IL1R2: variants seen among roughly 807,000 people sequenced by gnomAD.
IL1R2 encodes the protein interleukin 1 receptor type 2, also known as interleukin-1 receptor type 2.
A neutral mutation model predicts 39.5 loss-of-function variants in IL1R2; 46 were observed. The ratio of observed to expected loss-of-function variants is 1.16; its 90% CI spans 0.92 to 1.49. The LOEUF (loss-of-function observed/expected upper bound fraction) is 1.49. Among genes scored for constraint, IL1R2 ranks in the 40% most tolerant of loss-of-function variants. IL1R2 has a pLI of 0.00. For missense variants in IL1R2, 537 were observed against 502.0 expected (o/e 1.07, Z -0.67); for synonymous variants, 207 against 189.6 (o/e 1.09, Z -0.75).
At chr2:102,012,396 C>T (rs1395019366) in intron 3 of IL1R2, among the ~76,000 whole-genome samples, 1 of 152,090 alleles carries the variant, frequency 6.6e-6, no homozygotes, top group South Asian at 2.1e-4. Flanking sequence ...AGAAAAAGAA[C>T]CGGAGAAGTG....
In IL1R2 at chr2:102,008,616, T is replaced by C. The variant is rs1330575844; in HGVS notation, c.41T>C (p.Phe14Ser). Residue 14 changes from phenylalanine to serine, a missense_variant, in exon 2 of 9, where the codon TTC becomes TCC. Phe to Ser is a radical substitution (Grantham distance 155). Transcript: ENST00000332549. ...GTGTTGGTAATGGGAGTTTCTGCCT[T>C]CACCCTTCAGCCTGCGGCACACACA... is the stretch of plus-strand genomic sequence containing the variant. The part of the protein sequence containing the change: ...LYVLVMGVSA[F>S]TLQPAAHTGA... 3.1e-6 allele frequency: 5 copies of C among 1,614,144 alleles called. No individual in the cohort carries two copies. In the East Asian group the frequency reaches 6.7e-5, roughly 22 times the overall value.
At chr2:102,014,356 A>G (rs1676857086) in intron 3 of IL1R2, among the ~76,000 whole-genome samples, 1 of 152,230 alleles carries the variant, frequency 6.6e-6, no homozygotes, top group African/African-American at 2.4e-5. Context: ...TACACAGCAC[A>G]GGGTCTGGCC....
chr2:101,996,505 T>TTTCTG (rs55723899), intron 1 of IL1R2, among the ~76,000 whole-genome samples: 1 of 137,248 alleles, frequency 7.3e-6, no homozygotes, highest in African/African-American at 2.9e-5. Context: ...TTTTTTTTTT[T>TTTCTG]GGGGGGGAGA....
intron 1 of IL1R2, among the ~76,000 whole-genome samples, chr2:102,000,348 G>A (rs1675792857): frequency 6.6e-6 from 1 of 152,190 alleles, no homozygotes; most frequent in South Asian, 2.1e-4. Flanking sequence ...CCACCACCCT[G>A]CTGCTGGCAG....
intron 4 of IL1R2, among the ~76,000 whole-genome samples, chr2:102,017,967 G>T (rs1256121849): frequency 1.3e-5 from 2 of 152,182 alleles, no homozygotes; most frequent in Non-Finnish European, 2.9e-5. Flanking sequence ...TAAGTAGTTG[G>T]CTGGTTTGTA....
rs1677871043 is a variant in IL1R2, at chr2:102,028,488, T to C, written c.*96T>C. The C allele has an allele frequency of 1.8e-6, 2 of 1,099,314 alleles. No individual in the cohort carries two copies. The highest frequency in any genetic ancestry group is 1.3e-6 in the Non-Finnish European group (1 of 788,646). The allele number at this position is 1,099,314 out of a possible 1,614,324, so 68.1% of individuals were successfully genotyped here. ...TGAGGGACTCTGTTCTTTGCCTCAG[T>C]TGTCTACCAAAGGTGCCACATTTAT... On this transcript the variant is annotated 3_prime_UTR_variant, in exon 9 of 9. Transcript: ENST00000332549.
At chr2:101,997,623 C>CA (rs1250568456) in intron 1 of IL1R2, among the ~76,000 whole-genome samples, 1 of 152,204 alleles carries the variant, frequency 6.6e-6, no homozygotes, top group Non-Finnish European at 1.5e-5. Context: ...GCCCAGATCT[C>CA]AGTTTACCTT....
intron 3 of IL1R2, among the ~76,000 whole-genome samples, chr2:102,015,622 C>T (rs561010888): frequency 2.0e-5 from 3 of 152,182 alleles, no homozygotes; most frequent in Non-Finnish European, 2.9e-5. Context: ...TGTAATAAAG[C>T]GTTGAATATC....
intron 3 of IL1R2, among the ~76,000 whole-genome samples, chr2:102,012,519 T>C (rs1676704952): frequency 6.6e-6 from 1 of 151,380 alleles, no homozygotes; most frequent in Non-Finnish European, 1.5e-5. Context: ...GGAGGAGATA[T>C]GAGGTAGAGG....
chr2:102,021,134 C>T (rs1210601896), intron 5 of IL1R2, among the ~76,000 whole-genome samples: 1 of 152,120 alleles, frequency 6.6e-6, no homozygotes, highest in Non-Finnish European at 1.5e-5. Flanking sequence ...CCGTCTGCCC[C>T]TCAGGCTGTC....
At chr2:101,996,617 G>A (rs1675604925) in intron 1 of IL1R2, among the ~76,000 whole-genome samples, 1 of 150,930 alleles carries the variant, frequency 6.6e-6, no homozygotes, top group Non-Finnish European at 1.5e-5. Context: ...TTTCCAGAGA[G>A]TGGAAGATGA....
chr2:101,992,458 GAGAC>G (rs977036073), intron 1 of IL1R2, among the ~76,000 whole-genome samples: 2 of 151,036 alleles, frequency 1.3e-5, no homozygotes, highest in South Asian at 2.1e-4. Flanking sequence ...TAGAGAGACG[GAGAC>G]AGACAGAGAG....
At chr2:101,994,810 G>C (rs1030738038) in intron 1 of IL1R2, among the ~76,000 whole-genome samples, 1 of 152,210 alleles carries the variant, frequency 6.6e-6, no homozygotes, top group African/African-American at 2.4e-5. Context: ...TGTTTGTGCT[G>C]CCGGTCCATG....
intron 1 of IL1R2, among the ~76,000 whole-genome samples, chr2:101,993,934 C>T (rs1221705497): frequency 6.6e-6 from 1 of 152,208 alleles, no homozygotes. Context: ...CCCCTTTCTG[C>T]ACTCCATCCC....
At chr2:101,997,680 A>G (rs975988857) in intron 1 of IL1R2, among the ~76,000 whole-genome samples, 1 of 152,154 alleles carries the variant, frequency 6.6e-6, no homozygotes, top group Non-Finnish European at 1.5e-5. Flanking sequence ...CTCTCCCATC[A>G]GTGAAGCACC....
chr2:102,001,045 G>A (rs1478683119), intron 1 of IL1R2, among the ~76,000 whole-genome samples: 1 of 152,150 alleles, frequency 6.6e-6, no homozygotes, highest in Non-Finnish European at 1.5e-5. Context: ...GGTCTTGCTG[G>A]GTGTCAGTCA....
chr2:102,007,347 A>C (rs1676331606), intron 1 of IL1R2, among the ~76,000 whole-genome samples: 1 of 152,174 alleles, frequency 6.6e-6, no homozygotes, highest in South Asian at 2.1e-4. Flanking sequence ...CAGGACACCA[A>C]ATCTCTTGGC....
chr2:101,995,627 G>A (rs547855607), intron 1 of IL1R2, among the ~76,000 whole-genome samples: 2 of 152,200 alleles, frequency 1.3e-5, no homozygotes, highest in Non-Finnish European at 2.9e-5. Context: ...ATGAATACAA[G>A]GTCCTGATAC....
chr2:102,019,792 G>A lies in IL1R2; in HGVS notation c.668G>A (p.Ser223Asn). 1.2e-6 allele frequency: 2 copies of A among 1,614,064 alleles called. No homozygotes were observed. Among genetic ancestry groups the A allele is most frequent in the Non-Finnish European group, 1.7e-6 (2 of 1,179,984 alleles). ...GGCCAGCAATACAACATCACTAGGA[G>A]TATTGAGCTACGCATCAAGAGTAAG... ...HEGQQYNITR[S>N]IELRIKKKKE... The change falls in exon 5 of 9, where the codon AGT becomes AAT. Residue 223 changes from serine (S) to asparagine (N), a missense_variant. Coordinates refer to ENST00000332549, the MANE Select transcript of IL1R2 (RefSeq NM_004633.4).
Sources: gnomAD v4.1 joint callset for allele counts (sites outside exome capture counted in the v4.1 genomes callset) on GRCh38, gnomAD v4.1.1 for gene constraint, MANE v1.5 for transcripts, NCBI Gene and HGNC (gene_info 2026-07-23, HGNC 2026-07-21) for gene names.